The following KCNT1 variants were observed in gnomAD, a reference collection of about 807,000 sequenced individuals.
The protein encoded by KCNT1 is potassium sodium-activated channel subfamily T member 1.
Under a neutral mutation model 147.8 loss-of-function variants are expected in KCNT1, and 78 were observed. The ratio of observed to expected loss-of-function variants is 0.53; its 90% CI spans 0.44 to 0.64. KCNT1 has a LOEUF of 0.64. Ranked by LOEUF, KCNT1 falls within the 30% of genes least tolerant of loss-of-function variation. The pLI, the probability that KCNT1 is intolerant of heterozygous loss-of-function variation, is 0.00. For missense variants in KCNT1, 1,419 were observed against 1,750.3 expected, an observed-to-expected ratio of 0.81 and a Z score of 3.38; for synonymous variants, 867 against 748.8, an observed-to-expected ratio of 1.16 and a Z score of -2.58.
intron 1 of KCNT1, among the ~76,000 whole-genome samples, chr9:135,708,308 A>T (rs538691602): frequency 5.3e-4 from 81 of 152,206 alleles, no homozygotes; most frequent in Non-Finnish European, 8.5e-4. Flanking sequence ...CATGCATGCA[A>T]TCCCATCCAC....
intron 2 of KCNT1, among the ~76,000 whole-genome samples, chr9:135,749,123 A>G (rs1831002382): frequency 6.6e-6 from 1 of 152,160 alleles, no homozygotes; most frequent in African/African-American, 2.4e-5. Flanking sequence ...TTTTCCTCTC[A>G]GGGGATCATT....
At chr9:135,725,916 G>A (rs2131349140) in intron 2 of KCNT1, among the ~76,000 whole-genome samples, 1 of 152,282 alleles carries the variant, frequency 6.6e-6, no homozygotes, top group African/African-American at 2.4e-5. Context: ...GGTCTGGCAG[G>A]AGGAACCACC....
chr9:135,783,699 C>T (rs183466326), intron 24 of KCNT1, among the ~76,000 whole-genome samples: 18 of 152,346 alleles, frequency 1.2e-4, no homozygotes, highest in Admixed American at 3.9e-4. Context: ...TTTGGAATTT[C>T]GGGATGGCAA....
chr9:135,707,829 C>T (rs1021015625), intron 1 of KCNT1, among the ~76,000 whole-genome samples: 2 of 152,214 alleles, frequency 1.3e-5, no homozygotes, highest in Admixed American at 1.3e-4. Context: ...GCTCTGAAGT[C>T]TGTCTGGATA....
chr9:135,765,674 C>G lies in KCNT1; in HGVS notation c.1251C>G (p.Arg417=), dbSNP rs1832216514. The part of the protein sequence containing the change: ...LCPTEMDVQV[R]RVLQIPLWSQ... Reference sequence around the variant, plus strand: ...CCACGGAGATGGATGTCCAGGTGCGCAGAGTCCTGCAGATCCCTCTGTGGT... The same window carrying G: ...CCACGGAGATGGATGTCCAGGTGCGGAGAGTCCTGCAGATCCCTCTGTGGT... The change falls in exon 13 of 31, where the codon CGC becomes CGG. Residue 417 remains arginine (R), a synonymous_variant. Transcript: ENST00000371757. 2 of 1,610,658 alleles carry G rather than the reference C, an allele frequency of 1.2e-6. No homozygotes were observed. Among genetic ancestry groups the G allele is most frequent in the African/African-American group, 2.7e-5 (2 of 74,890 alleles).
In KCNT1 at chr9:135,759,879, G is replaced by T; in HGVS notation, c.1035+20G>T. The T allele has an allele frequency of 6.4e-7, 1 of 1,574,284 alleles. No individual in the cohort carries two copies. The highest frequency in any genetic ancestry group is 8.6e-7 in the Non-Finnish European group (1 of 1,158,658). On this transcript the variant is annotated intron_variant, in intron 11 of 30. Transcript: ENST00000371757. ...CTGCAGGTGGGTCCTCTGGGCACCA[G>T]CCCTGGGTGGCACCAGCAAAGGGAC...
intron 15 of KCNT1, 54 bp from the exon 16 acceptor site, chr9:135,769,893 G>A (rs1832627667): frequency 1.5e-6 from 2 of 1,311,704 alleles, no homozygotes; most frequent in African/African-American, 2.9e-5. Context: ...GTACTGTGGG[G>A]GAGGAGAGAG....
rs757426817 is a variant in KCNT1 at position 135,714,749 on chromosome 9, G to C, written c.254+29G>C. 8.1e-7 allele frequency: 1 copy of C among 1,240,604 alleles called. No homozygotes were observed. Among genetic ancestry groups the C allele is most frequent in the East Asian group, 3.9e-5 (1 of 25,622 alleles). The allele number at this position is 1,240,604 out of a possible 1,614,324, so 76.8% of individuals were successfully genotyped here. On this transcript the variant is annotated intron_variant, in intron 2 of 30. Transcript: ENST00000371757. The surrounding 1 kb of genome is among the most constrained non-coding windows in gnomAD (Gnocchi z 6.2). ...GGGACCGGGCGCGGGGTGGGGGCTG[G>C]GGTCGCCGTCCCGGCGCCGCCGCAC... is the stretch of plus-strand genomic sequence containing the variant.
chr9:135,761,330 G>C (rs1282315210), intron 11 of KCNT1, among the ~76,000 whole-genome samples: 1 of 152,200 alleles, frequency 6.6e-6, no homozygotes, highest in Non-Finnish European at 1.5e-5. Flanking sequence ...GGTGGAGCTG[G>C]GTTCTCCCCT....
At chr9:135,733,830 G>A (rs1425539682) in intron 2 of KCNT1, among the ~76,000 whole-genome samples, 2 of 148,636 alleles carry the variant, frequency 1.3e-5, no homozygotes, top group Non-Finnish European at 3.0e-5. Flanking sequence ...GATGTCACCT[G>A]GCAGGCACTT....
rs1834679188 is a variant in KCNT1 at position 135,793,419 on chromosome 9, T to G, written c.*1258T>G. ...GTGAGCTGCCCATCAGCCTCACCCC[T>G]GCAGCCAGGCATGTCCCTGGGGTGG... is the stretch of plus-strand genomic sequence containing the variant. On this transcript the variant is annotated 3_prime_UTR_variant, in exon 31 of 31. Transcript: ENST00000371757. 1 of 152,222 alleles carries G rather than the reference T, an allele frequency of 6.6e-6. No individual in the cohort carries two copies. The highest frequency in any genetic ancestry group is 1.5e-5 in the Non-Finnish European group (1 of 68,036). 9.4% of individuals were successfully genotyped at this position (152,222 alleles called of 1,614,324 possible).
intron 2 of KCNT1, among the ~76,000 whole-genome samples, chr9:135,731,256 T>A (rs1048371568): frequency 6.6e-6 from 1 of 152,198 alleles, no homozygotes; most frequent in Admixed American, 6.5e-5. Flanking sequence ...AGTCATTCTC[T>A]GGGGATGGGT....
At chr9:135,751,579 G>T (rs551137568) in intron 4 of KCNT1, among the ~76,000 whole-genome samples, 1 of 152,188 alleles carries the variant, frequency 6.6e-6, no homozygotes, top group Non-Finnish European at 1.5e-5. Context: ...CAGCAGCCGC[G>T]ATGAGGGTGG....
At chr9:135,763,032 G>GCAGGCCC (rs1247812663) in intron 11 of KCNT1, among the ~76,000 whole-genome samples, 1 of 152,250 alleles carries the variant, frequency 6.6e-6, no homozygotes, top group Admixed American at 6.5e-5. Flanking sequence ...GGCAGGCAGA[G>GCAGGCCC]CAGGCCCTGA....
chr9:135,770,090 TG>T (rs1564369798), intron 16 of KCNT1, 35 bp downstream of exon 16: 1 of 1,520,502 alleles, frequency 6.6e-7, no homozygotes, highest in Non-Finnish European at 8.9e-7. Flanking sequence ...CCGACCTCCA[TG>T]GCGGGGCCGG....
chr9:135,778,324 G>T (rs142999388), intron 21 of KCNT1, 100 bp from the exon 22 acceptor site: 2 of 1,098,510 alleles, frequency 1.8e-6, no homozygotes, highest in Non-Finnish European at 1.3e-6. Flanking sequence ...GGGAACCCCT[G>T]CCTGGCCCAG....
intron 4 of KCNT1, 162 bp from the exon 5 acceptor site, chr9:135,753,775 C>T (rs1424565310): frequency 2.9e-6 from 2 of 678,442 alleles, no homozygotes; most frequent in Non-Finnish European, 5.3e-6. Flanking sequence ...AGGGGGCAGG[C>T]TGCCTTGTCT....
At chr9:135,759,165 G>A (rs531969792) in intron 10 of KCNT1, among the ~76,000 whole-genome samples, 13 of 152,300 alleles carry the variant, frequency 8.5e-5, no homozygotes, top group Admixed American at 4.6e-4. Context: ...ACCTGGCGGC[G>A]ACCCCAGCCC....
intron 29 of KCNT1, among the ~76,000 whole-genome samples, chr9:135,786,835 G>A (rs1272143429): frequency 2.6e-5 from 4 of 152,222 alleles, no homozygotes; most frequent in African/African-American, 7.2e-5. Flanking sequence ...CCACTGCTCT[G>A]GGGCCTCAGT....
Sources: allele counts gnomAD v4.1 joint callset (sites outside exome capture counted in the v4.1 genomes callset), GRCh38; gene constraint gnomAD v4.1.1; non-coding constraint Gnocchi (gnomAD v3.1); transcripts MANE v1.5; gene names NCBI Gene and HGNC (gene_info 2026-07-23, HGNC 2026-07-21).